CDH4: variants seen among roughly 807,000 people sequenced by gnomAD.
CDH4 encodes the protein cadherin-4.
CDH4 carries 33 observed loss-of-function variants against 86.0 expected under a neutral mutation model. The ratio of observed to expected loss-of-function variants is 0.38; its 90% confidence interval spans 0.29 to 0.51. The LOEUF (loss-of-function observed/expected upper bound fraction) is 0.51, where lower values mean the gene tolerates loss of function less well. Ranked by LOEUF, CDH4 falls within the 20% of genes least tolerant of loss-of-function variation. CDH4 has a pLI of 0.86. For synonymous variants in CDH4, 555 were observed against 549.4 expected (o/e 1.01, Z -0.14); for missense variants, 1,114 against 1,307.4 (o/e 0.85, Z 2.28).
chr20:61,577,702 T>G (rs2086393682), intron 2 of CDH4, among the ~76,000 whole-genome samples: 1 of 152,102 alleles, frequency 6.6e-6, no homozygotes, highest in Non-Finnish European at 1.5e-5. Context: ...ATGGTTCTAT[T>G]GTGTTCCAGA....
chr20:61,743,506 T>C (rs1375980142), intron 2 of CDH4, 57 bp from the exon 3 acceptor site: 64 of 1,392,462 alleles, frequency 4.6e-5, no homozygotes, highest in Non-Finnish European at 6.3e-5. Context: ...TTGCTGCCAT[T>C]GTTACCGCCC....
intron 2 of CDH4, among the ~76,000 whole-genome samples, chr20:61,274,069 C>CCA (rs2084207720): frequency 1.1e-5 from 1 of 93,182 alleles, no homozygotes; most frequent in Non-Finnish European, 2.1e-5. Flanking sequence ...TGGGGAAGTA[C>CCA]TGGGGGAGTA....
intron 2 of CDH4, among the ~76,000 whole-genome samples, chr20:61,373,829 T>C (rs1032004037): frequency 2.0e-5 from 3 of 152,226 alleles, no homozygotes; most frequent in Non-Finnish European, 4.4e-5. Flanking sequence ...GTGTGATTTC[T>C]AAAATGCACA....
At chr20:61,656,305 G>GTGCCTGA (rs2087189150) in intron 2 of CDH4, among the ~76,000 whole-genome samples, 1 of 119,206 alleles carries the variant, frequency 8.4e-6, no homozygotes, top group African/African-American at 3.6e-5. Context: ...GGGTGGGTAG[G>GTGCCTGA]CACGTGCTGA....
At chr20:61,777,889 GCA>G (rs1320746185) in intron 4 of CDH4, among the ~76,000 whole-genome samples, 3 of 116,222 alleles carry the variant, frequency 2.6e-5, no homozygotes, top group African/African-American at 9.4e-5. Flanking sequence ...ATACACACAT[GCA>G]CACACGTGCA....
rs567203705 is a variant in CDH4 at position 61,331,128 on chromosome 20, G to A, written c.169+76191G>A. On this transcript the variant is annotated intron_variant, in intron 2 of 15. Transcript: ENST00000614565. ...AGGATCTCTGCCAGGGCTGCAGCAG[G>A]GAAGGCTGTCTTGGGGCTCGGCGTC... 2.0e-5 allele frequency among the ~76,000 whole-genome samples: 3 copies of A among 152,212 alleles called. No homozygotes were observed. The East Asian group carries it at 5.8e-4, about 29-fold the overall frequency.
intron 2 of CDH4, among the ~76,000 whole-genome samples, chr20:61,447,624 CTTT>C (rs11204461): frequency 0.042 from 4,330 of 102,030 alleles, 225 homozygotes; most frequent in African/African-American, 0.15. Context: ...ATTCTACTTC[CTTT>C]TTTTTTTTTT....
At chr20:61,322,625 A>G (rs1392463671) in intron 2 of CDH4, among the ~76,000 whole-genome samples, 1 of 152,178 alleles carries the variant, frequency 6.6e-6, no homozygotes, top group Non-Finnish European at 1.5e-5. Context: ...TGCCCAGAGC[A>G]GCTTTTGTCC....
intron 7 of CDH4, among the ~76,000 whole-genome samples, chr20:61,887,072 C>A (rs1443314538): frequency 6.6e-6 from 1 of 152,222 alleles, no homozygotes; most frequent in Non-Finnish European, 1.5e-5. Flanking sequence ...GCTCCCATGA[C>A]CGCCTCATGA....
chr20:61,383,975 G>A (rs28489323), intron 2 of CDH4, among the ~76,000 whole-genome samples: 32,859 of 142,926 alleles, frequency 0.23, 4,832 homozygotes, highest in African/African-American at 0.33. Context: ...GAGCCAGTTC[G>A]AGTTCCAAAA....
intron 9 of CDH4, among the ~76,000 whole-genome samples, chr20:61,922,221 T>C (rs986111173): frequency 2.6e-5 from 4 of 152,246 alleles, no homozygotes; most frequent in African/African-American, 9.6e-5. Flanking sequence ...TTTAATGCAA[T>C]TGAGACACAA....
At chr20:61,462,476 A>T (rs2085449368) in intron 2 of CDH4, among the ~76,000 whole-genome samples, 1 of 152,214 alleles carries the variant, frequency 6.6e-6, no homozygotes, top group South Asian at 2.1e-4. Flanking sequence ...GGGTGTAGTA[A>T]TCCTGAGGAT....
At chr20:61,795,556 A>G (rs1363710188) in intron 4 of CDH4, among the ~76,000 whole-genome samples, 10 of 152,226 alleles carry the variant, frequency 6.6e-5, no homozygotes, top group Non-Finnish European at 2.9e-5. Flanking sequence ...GGCAGGCTTC[A>G]CAGGGGAAGA....
chr20:61,551,343 C>G (rs914247108), intron 2 of CDH4, among the ~76,000 whole-genome samples: 6 of 152,302 alleles, frequency 3.9e-5, no homozygotes, highest in South Asian at 2.1e-4. Context: ...GTAAATTTTA[C>G]TGGAGTATAA....
intron 10 of CDH4, among the ~76,000 whole-genome samples, chr20:61,924,022 C>T (rs909824812): frequency 2.0e-5 from 3 of 152,226 alleles, no homozygotes. Flanking sequence ...TGCTCCTCAG[C>T]GTCCTTGTCC....
At chr20:61,435,425 C>T (rs2085275308) in intron 2 of CDH4, among the ~76,000 whole-genome samples, 1 of 152,272 alleles carries the variant, frequency 6.6e-6, no homozygotes, top group Non-Finnish European at 1.5e-5. Flanking sequence ...CCTAGGGGGG[C>T]TCTGCTGGGC....
chr20:61,435,824 T>G (rs2145523354), intron 2 of CDH4: 1 of 152,352 alleles, frequency 6.6e-6, no homozygotes, highest in Admixed American at 6.5e-5. Context: ...GGTTTTAAAG[T>G]GGGGGTAAAG....
At chr20:61,284,497 C>G (rs979147142) in intron 2 of CDH4, among the ~76,000 whole-genome samples, 1 of 152,200 alleles carries the variant, frequency 6.6e-6, no homozygotes, top group Non-Finnish European at 1.5e-5. Context: ...ACAGAGGTCA[C>G]ATCAGTCTCC....
At chr20:61,540,498 C>G (rs1191449337) in intron 2 of CDH4, among the ~76,000 whole-genome samples, 1 of 152,092 alleles carries the variant, frequency 6.6e-6, no homozygotes, top group Non-Finnish European at 1.5e-5. Context: ...CCTTCTGTCA[C>G]ATAACTTCAG....
Sources: allele counts gnomAD v4.1 joint callset (sites outside exome capture counted in the v4.1 genomes callset), GRCh38; gene constraint gnomAD v4.1.1; transcripts MANE v1.5; gene names NCBI Gene and HGNC (gene_info 2026-07-23, HGNC 2026-07-21).